MCC: variants seen among roughly 807,000 people sequenced by gnomAD.
MCC encodes colorectal mutant cancer protein.
MCC carries 90 observed loss-of-function variants against 116.2 expected under a neutral mutation model. The observed-to-expected ratio is 0.77, with a 90% CI of 0.65 to 0.92. The LOEUF (loss-of-function observed/expected upper bound fraction) is 0.92. Ranked by LOEUF, MCC falls within the 40% of genes least tolerant of loss-of-function variation. MCC has a pLI of 0.00. For missense variants in MCC, 1,516 were observed against 1,312.2 expected (o/e 1.16, Z -2.40); for synonymous variants, 578 against 510.5 (o/e 1.13, Z -1.78).
chr5:113,088,520 T>A (rs1755361668), intron 8 of MCC, among the ~76,000 whole-genome samples: 1 of 151,514 alleles, frequency 6.6e-6, no homozygotes, highest in Non-Finnish European at 1.5e-5. Context: ...CAAGGCAAGA[T>A]AATCTGATTT....
intron 1 of MCC, chr5:113,428,691 C>T (rs1202744854): frequency 2.6e-5 from 4 of 152,044 alleles, no homozygotes; most frequent in Non-Finnish European, 1.5e-5. Context: ...CTAGGGAACC[C>T]GACTTAAGGC....
intron 3 of MCC, among the ~76,000 whole-genome samples, chr5:113,308,863 A>G (rs1247290485): frequency 6.7e-6 from 1 of 149,770 alleles, no homozygotes; most frequent in African/African-American, 2.4e-5. Flanking sequence ...AAGATAAAGG[A>G]AAAGAAGGAA....
intron 10 of MCC, among the ~76,000 whole-genome samples, chr5:113,083,377 T>G (rs749354044): frequency 6.6e-6 from 1 of 152,172 alleles, no homozygotes; most frequent in African/African-American, 2.4e-5. Context: ...TTGGTTTCTG[T>G]AGCCCAGGAG....
At chr5:113,317,588 G>C (rs1285939353) in intron 3 of MCC, among the ~76,000 whole-genome samples, 1 of 152,224 alleles carries the variant, frequency 6.6e-6, no homozygotes, top group Non-Finnish European at 1.5e-5. Context: ...GTGAGTACAT[G>C]TGATGACAGG....
intron 1 of MCC, among the ~76,000 whole-genome samples, chr5:113,406,290 G>A (rs1769831830): frequency 6.6e-6 from 1 of 152,152 alleles, no homozygotes; most frequent in Admixed American, 6.5e-5. Flanking sequence ...CCTTCCAGCT[G>A]AAGGAAAGAC....
In MCC at chr5:113,023,171, CAGG is replaced by C. The variant is rs1750272313; in HGVS notation, c.*4128_*4130del. The C allele has an allele frequency of 6.6e-6, 1 of 152,162 alleles. No homozygotes were observed. The highest frequency in any genetic ancestry group is 6.5e-5 in the Admixed American group (1 of 15,282). The allele number at this position is 152,162 out of a possible 1,614,324, so 9.4% of individuals were successfully genotyped here. A position where few individuals can be genotyped will look rare whatever the true frequency, so the allele number is the denominator to read the frequency against. ...TTAGAGTAATTTCAGGTGTGTTAAA[CAGG>C]AGATGCTTCTGAAGGCCACAAGTTT... On this transcript the variant is annotated 3_prime_UTR_variant, in exon 19 of 19. Coordinates refer to ENST00000408903, the MANE Select transcript of MCC (RefSeq NM_001085377.2).
intron 3 of MCC, among the ~76,000 whole-genome samples, chr5:113,297,604 G>T (rs1216413313): frequency 6.6e-6 from 1 of 151,612 alleles, no homozygotes; most frequent in Non-Finnish European, 1.5e-5. Flanking sequence ...GCCAGGCATG[G>T]TGGTGTGCAC....
chr5:113,257,447 C>T (rs193139476), intron 3 of MCC, among the ~76,000 whole-genome samples: 1 of 152,088 alleles, frequency 6.6e-6, no homozygotes, highest in East Asian at 1.9e-4. Context: ...GCAATGAAAG[C>T]CAAGGTGAAG....
chr5:113,419,555 T>C (rs753732142), intron 1 of MCC, among the ~76,000 whole-genome samples: 2 of 151,956 alleles, frequency 1.3e-5, no homozygotes, highest in Non-Finnish European at 2.9e-5. Context: ...AGTAAATATA[T>C]TAAAAACCAC....
At chr5:113,149,844 A>G (rs1172921149) in intron 4 of MCC, among the ~76,000 whole-genome samples, 2 of 152,206 alleles carry the variant, frequency 1.3e-5, no homozygotes, top group African/African-American at 4.8e-5. Context: ...TCTGAGTGGC[A>G]TCAGCTTGGG....
In MCC at chr5:113,034,990, T is replaced by TC. The variant is rs563803667; in HGVS notation, c.2757-5935dup. 1.1e-4 allele frequency among the ~76,000 whole-genome samples: 17 copies of TC among 152,316 alleles called. No individual in the cohort carries two copies. In the South Asian group the frequency reaches 3.3e-3, roughly 30 times the overall value. On this transcript the variant is annotated intron_variant, in intron 17 of 18. Coordinates refer to ENST00000408903, the MANE Select transcript of MCC (RefSeq NM_001085377.2). Reference sequence around the variant, plus strand: ...TATCTTATCCTTTTCTCTAATGGACTCCCTCCATTCCCTTTTCCTAAAAAC... The same window carrying TC: ...TATCTTATCCTTTTCTCTAATGGACTCCCCTCCATTCCCTTTTCCTAAAAAC...
chr5:113,386,798 CATACACAT>C (rs1284930207), intron 1 of MCC, among the ~76,000 whole-genome samples: 3 of 126,900 alleles, frequency 2.4e-5, no homozygotes, highest in South Asian at 2.3e-4. Flanking sequence ...TGTATACACA[CATACACAT>C]ATACACATAC....
At chr5:113,379,845 T>C (rs2150391780) in intron 2 of MCC, among the ~76,000 whole-genome samples, 1 of 152,258 alleles carries the variant, frequency 6.6e-6, no homozygotes, top group East Asian at 1.9e-4. Context: ...GTCAATTAAG[T>C]GTGGAAAATG....
At chr5:113,211,265 C>T (rs1763125604) in intron 3 of MCC, among the ~76,000 whole-genome samples, 1 of 152,194 alleles carries the variant, frequency 6.6e-6, no homozygotes, top group South Asian at 2.1e-4. Context: ...AACCAGGAAG[C>T]AGGGCCCTAC....
chr5:113,360,857 A>C (rs1768527500), intron 2 of MCC, among the ~76,000 whole-genome samples: 1 of 152,168 alleles, frequency 6.6e-6, no homozygotes, highest in South Asian at 2.1e-4. Context: ...TGGATGACCC[A>C]ATCTTGACTC....
chr5:113,477,208 C>T (rs1458245214), intron 1 of MCC, among the ~76,000 whole-genome samples: 2 of 152,078 alleles, frequency 1.3e-5, no homozygotes, highest in Non-Finnish European at 2.9e-5. Flanking sequence ...GATATGTGGG[C>T]CTAGACTGTA....
At chr5:113,187,709 C>T (rs1156710039) in intron 3 of MCC, among the ~76,000 whole-genome samples, 9 of 147,870 alleles carry the variant, frequency 6.1e-5, no homozygotes, top group African/African-American at 1.5e-4. Flanking sequence ...GAGCCCAGAT[C>T]GCGCCACTGC....
At chr5:113,138,786 C>T (rs969339069) in intron 5 of MCC, among the ~76,000 whole-genome samples, 5 of 152,160 alleles carry the variant, frequency 3.3e-5, no homozygotes, top group East Asian at 3.8e-4. Context: ...TCTCTCTTTT[C>T]CCCACTGCAC....
At chr5:113,272,523 C>T (rs1305544014) in intron 3 of MCC, among the ~76,000 whole-genome samples, 1 of 152,090 alleles carries the variant, frequency 6.6e-6, no homozygotes, top group Non-Finnish European at 1.5e-5. Flanking sequence ...TTTAGCATAA[C>T]CAAGTGATAG....
Sources: gnomAD v4.1 joint callset for allele counts (sites outside exome capture counted in the v4.1 genomes callset) on GRCh38, gnomAD v4.1.1 for gene constraint, MANE v1.5 for transcripts, NCBI Gene and HGNC (gene_info 2026-07-23, HGNC 2026-07-21) for gene names.